The following METTL22 variants were observed in gnomAD, a reference collection of about 807,000 sequenced individuals.
METTL22 encodes methyltransferase-like protein 22.
Under a neutral mutation model 48.4 loss-of-function variants are expected in METTL22, and 51 were observed. The observed-to-expected ratio is 1.05, with a 90% CI of 0.84 to 1.33. METTL22 has a LOEUF of 1.33. Ranked by LOEUF, METTL22 falls within the 40% of genes most tolerant of loss-of-function variation. The pLI is 0.00. For synonymous variants in METTL22, 255 were observed against 214.1 expected (o/e 1.19, Z -1.67); for missense variants, 678 against 526.9 (o/e 1.29, Z -2.81).
At chr16:8,622,688 A>C (rs2055895110) in intron 1 of METTL22, among the ~76,000 whole-genome samples, 1 of 152,154 alleles carries the variant, frequency 6.6e-6, no homozygotes. Flanking sequence ...CGTTTACTAT[A>C]TGTCGTAAGC....
At position 8,632,567 on chromosome 16, in the gene METTL22, G is replaced by T. The variant is rs185823832; in HGVS notation, c.515-2472G>T. Among the ~76,000 whole-genome samples, 11 of 152,172 alleles carry T rather than the reference G, an allele frequency of 7.2e-5. 1 individual carries two copies. The East Asian group carries it at 2.1e-3, about 29-fold the overall frequency. ...CAGACTATGACCCTGGGCTGGTCATGTCCCCCTTCTGGGCTTCAGTGATCT... is the reference window on the plus strand; with the variant it reads ...CAGACTATGACCCTGGGCTGGTCATTTCCCCCTTCTGGGCTTCAGTGATCT... On this transcript the variant is annotated intron_variant, in intron 3 of 10. Coordinates refer to ENST00000381920, the MANE Select transcript of METTL22 (RefSeq NM_024109.4).
rs2056519278 is a variant in METTL22 at position 8,639,271 on chromosome 16, G to A, written c.772+109G>A. 8.2e-6 allele frequency: 9 copies of A among 1,091,910 alleles called. No individual in the cohort carries two copies. In the South Asian group the frequency reaches 1.0e-4, roughly 12 times the overall value. The allele number at this position is 1,091,910 out of a possible 1,614,324, so 67.6% of individuals were successfully genotyped here. A position where few individuals can be genotyped will look rare whatever the true frequency, so the allele number is the denominator to read the frequency against. On this transcript the variant is annotated intron_variant, in intron 6 of 10. Transcript: ENST00000381920. ...AGGCAGGGCTCCGTCTGTGTCCCTT[G>A]CAGCAGGTGAGTAAGGGGAGCAGGC...
At chr16:8,658,504 A>G in the METTL22 span, among the ~76,000 whole-genome samples, 1 of 152,202 alleles carries the variant, frequency 6.6e-6, no homozygotes. Flanking sequence ...CCCAGGCTCA[A>G]TCTCAAAGAT....
At chr16:8,665,394 G>T in the METTL22 span, among the ~76,000 whole-genome samples, 9 of 152,166 alleles carry the variant, frequency 5.9e-5, no homozygotes, top group Non-Finnish European at 1.3e-4. Context: ...CTCCAAGTCA[G>T]GAGCTGCCTC....
chr16:8,641,567 G>T lies in METTL22; in HGVS notation c.826+383G>T, dbSNP rs1280556845. On this transcript the variant is annotated intron_variant, in intron 7 of 10. Transcript: ENST00000381920. The stretch of plus-strand genomic sequence containing the variant: ...AAACAGTGGTGCCAGGAAACCCCCC[G>T]GGTAGGACAGTTTCCATATTTCTTA... 6.2e-6 allele frequency: 3 copies of T among 480,382 alleles called. No individual in the cohort carries two copies. In the East Asian group the frequency reaches 1.8e-4, roughly 29 times the overall value. The allele number at this position is 480,382 out of a possible 1,614,324, so 29.8% of individuals were successfully genotyped here.
Position 8,642,075 on chromosome 16 carries a change from G to C in METTL22, c.827-52G>C, listed in dbSNP as rs1048853923. On this transcript the variant is annotated intron_variant, in intron 7 of 10. Coordinates refer to ENST00000381920, the MANE Select transcript of METTL22 (RefSeq NM_024109.4). ...TTTTGGTCAGTCCCAGTGAGAGTTGGTGGCCAGGAGAGAAGGCAATGGGCA... is the reference window on the plus strand; with the variant it reads ...TTTTGGTCAGTCCCAGTGAGAGTTGCTGGCCAGGAGAGAAGGCAATGGGCA... 4 of 1,408,400 alleles carry C rather than the reference G, an allele frequency of 2.8e-6. No individual in the cohort carries two copies. In the African/African-American group the frequency reaches 5.7e-5, roughly 20 times the overall value. The allele number at this position is 1,408,400 out of a possible 1,614,324, so 87.2% of individuals were successfully genotyped here.
In METTL22 at chr16:8,625,757, A is replaced by G. The variant is rs1358682327; in HGVS notation, c.92A>G (p.His31Arg). 1 of 1,614,140 alleles carries G rather than the reference A, an allele frequency of 6.2e-7. No individual in the cohort carries two copies. Among genetic ancestry groups the G allele is most frequent in the Admixed American group, 1.7e-5 (1 of 60,020 alleles). The change falls in exon 2 of 11, where the codon CAT (histidine) becomes CGT (arginine). Residue 31 changes from histidine (H) to arginine (R), a missense_variant. Coordinates refer to ENST00000381920, the MANE Select transcript of METTL22 (RefSeq NM_024109.4). Reference protein sequence around the residue: ...LSDVHLYTPNHRHLMVRLNSV... With the variant: ...LSDVHLYTPNRRHLMVRLNSV... ...GATGTCCACCTCTATACCCCGAACC[A>G]TAGACATCTCATGGTACGGCTGAAC...
chr16:8,623,262 G>A (rs943145137), intron 1 of METTL22, among the ~76,000 whole-genome samples: 4 of 150,966 alleles, frequency 2.6e-5, no homozygotes, highest in African/African-American at 9.8e-5. Context: ...AGTGAGCCGA[G>A]ATGGCACCAC....
intron 6 of METTL22, among the ~76,000 whole-genome samples, chr16:8,640,310 G>A (rs1267288206): frequency 3.3e-5 from 5 of 152,056 alleles, no homozygotes; most frequent in South Asian, 2.1e-4. Flanking sequence ...CCTCCTGTGC[G>A]TTTGCCTCAT....
downstream of METTL22, among the ~76,000 whole-genome samples, chr16:8,653,774 C>T (rs2056929580): frequency 6.6e-6 from 1 of 152,036 alleles, no homozygotes; most frequent in Admixed American, 6.6e-5. Flanking sequence ...AACCTGCTTC[C>T]CCATCATTTC....
intron 3 of METTL22, among the ~76,000 whole-genome samples, chr16:8,629,723 C>G (rs11866914): frequency 0.056 from 8,453 of 152,090 alleles, 812 homozygotes; most frequent in African/African-American, 0.19. Flanking sequence ...GGAACTGCTA[C>G]CCAGGTATGG....
chr16:8,644,081 C>T (rs542717950), intron 9 of METTL22, among the ~76,000 whole-genome samples: 67 of 151,288 alleles, frequency 4.4e-4, no homozygotes, highest in African/African-American at 1.4e-3. Flanking sequence ...AAGGTGCTCA[C>T]TCTCTGAAAT....
chr16:8,635,412 T>C (rs2056394538), intron 5 of METTL22, 100 bp downstream of exon 5: 1 of 1,406,496 alleles, frequency 7.1e-7, no homozygotes, highest in African/African-American at 1.4e-5. Context: ...AATTGGATGT[T>C]AGCTGTTGTT....
chr16:8,658,817 G>T, the METTL22 span, among the ~76,000 whole-genome samples: 1 of 152,064 alleles, frequency 6.6e-6, no homozygotes, highest in East Asian at 1.9e-4. Context: ...AAATCCCTTT[G>T]CAGGGCCCAC....
chr16:8,635,326 A>G lies in METTL22; in HGVS notation c.700+14A>G, dbSNP rs900079314. On this transcript the variant is annotated intron_variant, in intron 5 of 10. Transcript: ENST00000381920. ...TTTATTGTACAGGTAATGAGGTGAC[A>G]TCTCAGGCTGCAGGGAAGTAGTCAC... 2 of 1,529,156 alleles carry G rather than the reference A, an allele frequency of 1.3e-6. No individual in the cohort carries two copies. Among genetic ancestry groups the G allele is most frequent in the Non-Finnish European group, 1.8e-6 (2 of 1,139,982 alleles). 94.7% of individuals were successfully genotyped at this position (1,529,156 alleles called of 1,614,324 possible).
chr16:8,623,835 G>C (rs1191217292), intron 1 of METTL22: 2 of 152,178 alleles, frequency 1.3e-5, no homozygotes, highest in Non-Finnish European at 2.9e-5. Flanking sequence ...CCTGAGTCAT[G>C]ATGACCTCAT....
Position 8,642,173 on chromosome 16 carries a change from G to C in METTL22, c.873G>C (p.Leu291Phe). 6.2e-7 allele frequency: 1 copy of C among 1,613,790 alleles called. No individual in the cohort carries two copies. The highest frequency in any genetic ancestry group is 8.5e-7 in the Non-Finnish European group (1 of 1,179,728). Residue 291 changes from leucine to phenylalanine, a missense_variant, in exon 8 of 11, where the codon TTG (leucine) becomes TTC (phenylalanine). Coordinates refer to ENST00000381920, the MANE Select transcript of METTL22 (RefSeq NM_024109.4). ...FSWSQEEISD[L>F]YDHTTILFAA... is the part of the protein sequence containing the mutation. ...GGTCACAAGAGGAAATTTCTGACTT[G>C]TACGATCACACCACCATCCTGTTTG...
chr16:8,640,968 GGC>G (rs1491312609), intron 6 of METTL22, among the ~76,000 whole-genome samples, 161 bp from the exon 7 acceptor site: 12 of 117,664 alleles, frequency 1.0e-4, no homozygotes, highest in African/African-American at 3.4e-4. Context: ...CTGGCTGGCT[GGC>G]TGGCTGGCTG....
chr16:8,644,421 C>G, intron 9 of METTL22, 136 bp from the exon 10 acceptor site: 1 of 832,594 alleles, frequency 1.2e-6, no homozygotes, highest in African/African-American at 1.7e-5. Context: ...ACACACTCAG[C>G]ATGAGACAGG....
Sources: allele counts gnomAD v4.1 joint callset (sites outside exome capture counted in the v4.1 genomes callset), GRCh38; gene constraint gnomAD v4.1.1; transcripts MANE v1.5; gene names NCBI Gene and HGNC (gene_info 2026-07-23, HGNC 2026-07-21).